Variants in IFT57 observed in about 807,000 individuals in gnomAD.
The protein encoded by IFT57 is intraflagellar transport 57.
In IFT57, 59 loss-of-function variants were observed where a neutral mutation model predicts 56.8. The ratio of observed to expected loss-of-function variants is 1.04; its 90% confidence interval spans 0.84 to 1.29. The LOEUF (loss-of-function observed/expected upper bound fraction) is 1.29, where lower values mean the gene tolerates loss of function less well. IFT57 is among the 50% of genes most tolerant of loss of function. The probability of loss-of-function intolerance (pLI) is 0.00; values close to 1 mark genes in which losing one functional copy is unlikely to be tolerated. For synonymous variants in IFT57, 209 were observed against 186.1 expected (o/e 1.12, Z -1.00); for missense variants, 470 against 522.1 (o/e 0.90, Z 0.97).
chr3:108,167,390 G>T (rs1046406614), intron 7 of IFT57, among the ~76,000 whole-genome samples: 1 of 151,880 alleles, frequency 6.6e-6, no homozygotes, highest in African/African-American at 2.4e-5. Flanking sequence ...TAACTTTTCA[G>T]TCTAGCTTTG....
rs777555787 is a variant in IFT57 at position 108,166,935 on chromosome 3, G to C, written c.900C>G (p.Ile300Met). Residue 300 changes from isoleucine to methionine, a missense_variant, in exon 8 of 11, where the codon ATC becomes ATG. Transcript: ENST00000264538. ...TGTTGATGTACTTTTCTCGGCTGCT[G>C]ATCTTTTCCAAAGTCCTAGTAATTT... ...HNEITRTLEK[I>M]SSREKYINNQ... The C allele has an allele frequency of 6.2e-7, 1 of 1,611,254 alleles. No individual in the cohort carries two copies. Among genetic ancestry groups the C allele is most frequent in the South Asian group, 1.1e-5 (1 of 90,848 alleles).
chr3:108,174,122 G>A (rs955554082), intron 6 of IFT57, among the ~76,000 whole-genome samples: 4 of 148,928 alleles, frequency 2.7e-5, no homozygotes, highest in Non-Finnish European at 3.0e-5. Flanking sequence ...TTCCTATAAG[G>A]AAATTGTATT....
intron 5 of IFT57, among the ~76,000 whole-genome samples, chr3:108,199,646 A>C (rs189648005): frequency 6.6e-6 from 1 of 152,372 alleles, no homozygotes; most frequent in East Asian, 1.9e-4. Context: ...TGTATTTATT[A>C]ATATTTATCC....
At position 108,192,194 on chromosome 3, in the gene IFT57, A is replaced by G. The variant is rs2080219377; in HGVS notation, c.655-551T>C. On this transcript the variant is annotated intron_variant, in intron 5 of 10. Transcript: ENST00000264538. ...TGTCTCAAAAAAAAAAAAAAAAAAA[A>G]AAGGGAAACACTTAAATTTATCACA... Among the ~76,000 whole-genome samples, 3 of 148,880 alleles carry G rather than the reference A, an allele frequency of 2.0e-5. No individual in the cohort carries two copies. The South Asian group carries it at 6.3e-4, about 31-fold the overall frequency.
intron 5 of IFT57, among the ~76,000 whole-genome samples, chr3:108,195,436 A>C (rs958141660): frequency 1.3e-5 from 2 of 152,166 alleles, no homozygotes; most frequent in African/African-American, 4.8e-5. Context: ...AAAACTAAAA[A>C]TCTATCATAT....
chr3:108,192,942 A>C (rs1190580974), intron 5 of IFT57, among the ~76,000 whole-genome samples: 1 of 152,128 alleles, frequency 6.6e-6, no homozygotes, highest in Non-Finnish European at 1.5e-5. Flanking sequence ...GAGGCAAAGA[A>C]AAAAAGGGAG....
At chr3:108,212,745 T>A (rs565847720) in intron 4 of IFT57, among the ~76,000 whole-genome samples, 2 of 152,336 alleles carry the variant, frequency 1.3e-5, no homozygotes, top group Non-Finnish European at 2.9e-5. Flanking sequence ...CTAACTTAAA[T>A]ACTATACTAT....
At chr3:108,170,945 A>C (rs1236071282) in intron 6 of IFT57, among the ~76,000 whole-genome samples, 1 of 151,888 alleles carries the variant, frequency 6.6e-6, no homozygotes, top group African/African-American at 2.4e-5. Context: ...TAAAAGAGTA[A>C]TTGAGAAATA....
intron 5 of IFT57, among the ~76,000 whole-genome samples, chr3:108,202,422 A>C (rs2080284183): frequency 6.6e-6 from 1 of 152,184 alleles, no homozygotes; most frequent in Admixed American, 6.5e-5. Flanking sequence ...TACAGCGCTG[A>C]ATATTCTACT....
rs780647977 is a variant in IFT57, at chr3:108,218,536, T to C, written c.493A>G (p.Arg165Gly). 2.0e-6 allele frequency: 3 copies of C among 1,481,034 alleles called. No individual in the cohort carries two copies. Among genetic ancestry groups the C allele is most frequent in the Non-Finnish European group, 2.7e-6 (3 of 1,093,760 alleles). 91.7% of individuals were successfully genotyped at this position (1,481,034 alleles called of 1,614,324 possible). Reference protein sequence around the residue: ...ALKYIGFTWKRPIYPVEELEE... With the variant: ...ALKYIGFTWKGPIYPVEELEE... Reference sequence around the variant, plus strand: ...ATCATCAGGGTGGGTAATTTTTACCTTTTCCAGGTGAAACCAATATATTTC... The same window carrying C: ...ATCATCAGGGTGGGTAATTTTTACCCTTTCCAGGTGAAACCAATATATTTC... The change falls in exon 3 of 11, where the codon AGG becomes GGG. Residue 165 changes from arginine to glycine, a missense_variant and splice_region_variant. Coordinates refer to ENST00000264538, the MANE Select transcript of IFT57 (RefSeq NM_018010.4).
intron 5 of IFT57, among the ~76,000 whole-genome samples, chr3:108,202,237 T>C (rs1368211821): frequency 1.3e-5 from 2 of 152,198 alleles, no homozygotes; most frequent in Non-Finnish European, 2.9e-5. Flanking sequence ...GTTGCCGTGA[T>C]TCTGTTGAGT....
intron 6 of IFT57, among the ~76,000 whole-genome samples, chr3:108,184,502 A>G (rs1347036984): frequency 2.0e-5 from 3 of 151,666 alleles, no homozygotes; most frequent in Non-Finnish European, 4.4e-5. Context: ...TATGTTATTT[A>G]CTACCATAAA....
At chr3:108,212,862 G>A (rs1311166356) in intron 4 of IFT57, among the ~76,000 whole-genome samples, 1 of 151,726 alleles carries the variant, frequency 6.6e-6, no homozygotes, top group Non-Finnish European at 1.5e-5. Flanking sequence ...GCAAAATATA[G>A]TTGACCCTTG....
chr3:108,220,664 T>A (rs1227436819), intron 1 of IFT57, among the ~76,000 whole-genome samples: 1 of 152,172 alleles, frequency 6.6e-6, no homozygotes, highest in East Asian at 1.9e-4. Flanking sequence ...GGACAGTGGT[T>A]CCCAAACATT....
At chr3:108,171,893 C>T (rs1480083663) in intron 6 of IFT57, among the ~76,000 whole-genome samples, 4 of 151,846 alleles carry the variant, frequency 2.6e-5, no homozygotes, top group African/African-American at 2.4e-5. Context: ...TTCCCTCTTC[C>T]TAACAGTCTC....
chr3:108,210,825 A>G (rs1358596519), intron 4 of IFT57, among the ~76,000 whole-genome samples: 2 of 152,208 alleles, frequency 1.3e-5, no homozygotes, highest in East Asian at 1.9e-4. Context: ...GGGAATGAAT[A>G]GCCTCAGGGC....
At chr3:108,210,479 A>G (rs868823788) in intron 4 of IFT57, among the ~76,000 whole-genome samples, 1 of 151,802 alleles carries the variant, frequency 6.6e-6, no homozygotes, top group South Asian at 2.1e-4. Flanking sequence ...GACTACAGGC[A>G]CACACCACCA....
intron 6 of IFT57, among the ~76,000 whole-genome samples, chr3:108,169,408 G>A (rs905869422): frequency 1.3e-5 from 2 of 151,690 alleles, no homozygotes; most frequent in African/African-American, 4.8e-5. Flanking sequence ...TGGATAGATT[G>A]CAAAAATTTT....
chr3:108,188,730 A>T (rs1214759178), intron 6 of IFT57, among the ~76,000 whole-genome samples: 1 of 152,224 alleles, frequency 6.6e-6, no homozygotes, highest in Non-Finnish European at 1.5e-5. Context: ...CTGATGATTT[A>T]AAAACTCAGG....
Sources: gnomAD v4.1 joint callset for allele counts (sites outside exome capture counted in the v4.1 genomes callset) on GRCh38, gnomAD v4.1.1 for gene constraint, MANE v1.5 for transcripts, NCBI Gene and HGNC (gene_info 2026-07-23, HGNC 2026-07-21) for gene names.